MARCHF1: variants seen among roughly 807,000 people sequenced by gnomAD.
MARCHF1 encodes the protein membrane associated ring-CH-type finger 1, also known as E3 ubiquitin-protein ligase MARCHF1.
Under a neutral mutation model 54.2 loss-of-function variants are expected in MARCHF1, and 40 were observed. The ratio of observed to expected loss-of-function variants is 0.74; its 90% CI spans 0.57 to 0.96. The LOEUF is 0.96. Ranked by LOEUF, MARCHF1 falls within the 40% of genes least tolerant of loss-of-function variation. The pLI, the probability that MARCHF1 is intolerant of heterozygous loss-of-function variation, is 0.00. For missense variants in MARCHF1, 586 were observed against 656.5 expected, an observed-to-expected ratio of 0.89 and a Z score of 1.17; for synonymous variants, 236 against 236.3, an observed-to-expected ratio of 1.00 and a Z score of 0.01.
chr4:164,136,728 A>G (rs1300120514), intron 1 of MARCHF1, among the ~76,000 whole-genome samples: 3 of 152,198 alleles, frequency 2.0e-5, no homozygotes, highest in East Asian at 1.9e-4. Flanking sequence ...CTGGCTTCCC[A>G]TGAACACACC....
Position 163,685,801 on chromosome 4 carries a change from T to A in MARCHF1, c.162+15012A>T, listed in dbSNP as rs1444152413. Among the ~76,000 whole-genome samples the A allele has an allele frequency of 2.0e-5, 3 of 152,276 alleles. No individual in the cohort carries two copies. In the East Asian group the frequency reaches 5.8e-4, roughly 29 times the overall value. On this transcript the variant is annotated intron_variant, in intron 5 of 9. Transcript: ENST00000514618. ...TCACTCCCCTTTTCTTTGATAGTAT[T>A]GGTCCTACATAATCTGTGATGCCAA...
intron 1 of MARCHF1, among the ~76,000 whole-genome samples, chr4:164,380,510 C>A (rs1203982314): frequency 1.3e-5 from 2 of 152,212 alleles, no homozygotes; most frequent in African/African-American, 4.8e-5. Flanking sequence ...TTTCCTACCA[C>A]TGTTCATCAC....
intron 4 of MARCHF1, among the ~76,000 whole-genome samples, chr4:163,769,479 T>C (rs1312922784): frequency 2.0e-5 from 3 of 152,108 alleles, no homozygotes; most frequent in African/African-American, 4.8e-5. Flanking sequence ...TTCACACAGT[T>C]TTGTGAATGA....
chr4:164,052,525 G>A (rs1315427188), intron 2 of MARCHF1, among the ~76,000 whole-genome samples: 31 of 151,090 alleles, frequency 2.1e-4, no homozygotes, highest in Admixed American at 7.2e-4. Flanking sequence ...GAGTGACTTC[G>A]TCTCAAAAAA....
chr4:163,985,706 A>C (rs1752849204), intron 3 of MARCHF1, among the ~76,000 whole-genome samples: 1 of 152,192 alleles, frequency 6.6e-6, no homozygotes, highest in African/African-American at 2.4e-5. Flanking sequence ...AATTACATTA[A>C]ATTCAAATGA....
chr4:164,042,795 A>C (rs759818855), intron 2 of MARCHF1, among the ~76,000 whole-genome samples: 4 of 152,214 alleles, frequency 2.6e-5, no homozygotes, highest in Non-Finnish European at 4.4e-5. Context: ...AGTTACTTCC[A>C]AGATACAATG....
chr4:164,350,787 G>C (rs57739431), intron 1 of MARCHF1, among the ~76,000 whole-genome samples: 9,186 of 152,218 alleles, frequency 0.06, 795 homozygotes, highest in East Asian at 0.25. Flanking sequence ...GAACAGCTCC[G>C]GTCTACAGCT....
chr4:163,690,271 C>T (rs1451038332), intron 5 of MARCHF1, among the ~76,000 whole-genome samples: 1 of 152,022 alleles, frequency 6.6e-6, no homozygotes, highest in African/African-American at 2.4e-5. Context: ...GGACTTCCCT[C>T]AAAAAAGAGT....
intron 4 of MARCHF1, among the ~76,000 whole-genome samples, chr4:163,826,631 T>C (rs1401032771): frequency 2.6e-5 from 4 of 152,042 alleles, no homozygotes; most frequent in Non-Finnish European, 4.4e-5. Context: ...ATAGTGTTCA[T>C]AGGGGAAACA....
chr4:164,201,060 C>T (rs962829985), intron 1 of MARCHF1, among the ~76,000 whole-genome samples: 7 of 152,008 alleles, frequency 4.6e-5, no homozygotes, highest in Non-Finnish European at 1.0e-4. Flanking sequence ...AAAAGCATGG[C>T]GGAAGAAACA....
At chr4:163,911,189 A>G (rs141797332) in intron 3 of MARCHF1, among the ~76,000 whole-genome samples, 15 of 152,230 alleles carry the variant, frequency 9.9e-5, no homozygotes, top group Admixed American at 5.2e-4. Flanking sequence ...GTAACATCTT[A>G]TGTTTTACCA....
At chr4:163,581,443 T>C (rs1740229318) in intron 8 of MARCHF1, among the ~76,000 whole-genome samples, 1 of 152,220 alleles carries the variant, frequency 6.6e-6, no homozygotes, top group African/African-American at 2.4e-5. Flanking sequence ...GGCAACATCA[T>C]TCAAAGGGTG....
chr4:163,893,498 A>G (rs1490704218), intron 3 of MARCHF1, among the ~76,000 whole-genome samples: 1 of 152,088 alleles, frequency 6.6e-6, no homozygotes, highest in Non-Finnish European at 1.5e-5. Flanking sequence ...GAACAAAGGC[A>G]CTCTGTGTCT....
chr4:163,790,810 G>T (rs955873659), intron 4 of MARCHF1, among the ~76,000 whole-genome samples: 1 of 152,056 alleles, frequency 6.6e-6, no homozygotes, highest in African/African-American at 2.4e-5. Context: ...GCCCAGCAGT[G>T]GCATGAGGGA....
intron 5 of MARCHF1, among the ~76,000 whole-genome samples, chr4:163,614,911 G>A (rs552790030): frequency 6.6e-6 from 1 of 152,222 alleles, no homozygotes; most frequent in African/African-American, 2.4e-5. Flanking sequence ...TACACTGATG[G>A]CTTTCAAGGT....
At chr4:163,642,853 T>C (rs187271758) in intron 5 of MARCHF1, among the ~76,000 whole-genome samples, 148 of 152,168 alleles carry the variant, frequency 9.7e-4, no homozygotes, top group African/African-American at 3.3e-3. Flanking sequence ...TATTAGGCAA[T>C]AGACTGAAAG....
intron 1 of MARCHF1, among the ~76,000 whole-genome samples, chr4:164,281,674 G>T (rs1415159585): frequency 6.6e-6 from 1 of 152,098 alleles, no homozygotes; most frequent in African/African-American, 2.4e-5. Context: ...AAGCTAAAGG[G>T]TCTGGGTCTT....
chr4:163,620,567 CCA>C (rs138692310), intron 5 of MARCHF1, among the ~76,000 whole-genome samples: 11,363 of 119,738 alleles, frequency 0.095, 939 homozygotes, highest in Non-Finnish European at 0.14. Context: ...ATGAGGTACA[CCA>C]CACACACACA....
intron 4 of MARCHF1, among the ~76,000 whole-genome samples, chr4:163,820,940 T>A (rs1748675729): frequency 6.6e-6 from 1 of 151,978 alleles, no homozygotes; most frequent in East Asian, 1.9e-4. Context: ...CATAATGTAA[T>A]CTTGCTAACT....
Sources: gnomAD v4.1 joint callset for allele counts (sites outside exome capture counted in the v4.1 genomes callset) on GRCh38, gnomAD v4.1.1 for gene constraint, MANE v1.5 for transcripts, NCBI Gene and HGNC (gene_info 2026-07-23, HGNC 2026-07-21) for gene names.